Variants in TEAD1 observed in about 807,000 individuals in gnomAD.
TEAD1 encodes TEA domain transcription factor 1, also known as transcriptional enhancer factor TEF-1.
In TEAD1, 9 loss-of-function variants were observed where a neutral mutation model predicts 54.9. The ratio of observed to expected loss-of-function variants is 0.16; its 90% CI spans 0.10 to 0.29. TEAD1 has a LOEUF of 0.29. Ranked by LOEUF, TEAD1 falls within the 10% of genes least tolerant of loss-of-function variation. TEAD1 has a pLI of 1.00. For missense variants in TEAD1, 387 were observed against 535.9 expected, an observed-to-expected ratio of 0.72 and a Z score of 2.74; for synonymous variants, 200 against 187.8, an observed-to-expected ratio of 1.07 and a Z score of -0.53.
intron 3 of TEAD1, among the ~76,000 whole-genome samples, chr11:12,790,238 T>G (rs1466799492): frequency 6.6e-6 from 1 of 152,204 alleles, no homozygotes; most frequent in Non-Finnish European, 1.5e-5. Flanking sequence ...AGCCTAAGGT[T>G]TTGTTTTCTC....
intron 10 of TEAD1, among the ~76,000 whole-genome samples, chr11:12,906,322 A>G (rs1472762972): frequency 6.6e-6 from 1 of 152,108 alleles, no homozygotes; most frequent in Non-Finnish European, 1.5e-5. Flanking sequence ...TGGGCAGATC[A>G]TGAGGTCAGG....
At chr11:12,842,794 G>A (rs1037906967) in intron 3 of TEAD1, among the ~76,000 whole-genome samples, 2 of 152,118 alleles carry the variant, frequency 1.3e-5, no homozygotes, top group African/African-American at 4.8e-5. Flanking sequence ...ATACAAAAAT[G>A]AACTAAGTAA....
chr11:12,848,352 T>C (rs1410111499), intron 3 of TEAD1, among the ~76,000 whole-genome samples: 1 of 152,206 alleles, frequency 6.6e-6, no homozygotes, highest in Non-Finnish European at 1.5e-5. Flanking sequence ...TTTATTCTTC[T>C]GTATTGTGGA....
At chr11:12,910,931 G>C (rs1948606877) in intron 10 of TEAD1, among the ~76,000 whole-genome samples, 1 of 152,064 alleles carries the variant, frequency 6.6e-6, no homozygotes, top group Non-Finnish European at 1.5e-5. Flanking sequence ...ATTTTTGGTA[G>C]AGATGGGGTT....
rs146030360 is a variant in TEAD1, at chr11:12,872,679, T to C, written c.331-7029T>C. Among the ~76,000 whole-genome samples, 5 of 152,324 alleles carry C rather than the reference T, an allele frequency of 3.3e-5. No individual in the cohort carries two copies. The East Asian group carries it at 9.6e-4, about 29-fold the overall frequency. On this transcript the variant is annotated intron_variant, in intron 5 of 12. Transcript: ENST00000527636. ...CTTTATAAGGGCAACAGAAACAGTCTCATCATTCTACATTTTTATCTCTTC... is the reference window on the plus strand; with the variant it reads ...CTTTATAAGGGCAACAGAAACAGTCCCATCATTCTACATTTTTATCTCTTC...
In TEAD1 at chr11:12,937,310, CTG is replaced by C; in HGVS notation, c.*90_*91del. ...TCTCTCTCCATTATCGAACGACTGA[CTG>C]TAAACCTCACCACACAGGGTGGTGC... is the stretch of plus-strand genomic sequence containing the variant. On this transcript the variant is annotated 3_prime_UTR_variant, in exon 13 of 13. Coordinates refer to ENST00000527636, the MANE Select transcript of TEAD1 (RefSeq NM_021961.6). 6.1e-6 allele frequency: 7 copies of C among 1,141,580 alleles called. No individual in the cohort carries two copies. The highest frequency in any genetic ancestry group is 7.8e-6 in the Non-Finnish European group (6 of 772,782). The allele number at this position is 1,141,580 out of a possible 1,614,324, so 70.7% of individuals were successfully genotyped here.
intron 2 of TEAD1, among the ~76,000 whole-genome samples, chr11:12,751,647 C>T (rs1944872388): frequency 6.6e-6 from 1 of 152,168 alleles, no homozygotes; most frequent in Admixed American, 6.5e-5. Context: ...AATGCTTTTA[C>T]CACATTAAAT....
rs1480805873 is a variant in TEAD1 at position 12,837,769 on chromosome 11, C to CT, written c.203-24481_203-24480insT. Among the ~76,000 whole-genome samples, 15 of 73,850 alleles carry CT rather than the reference C, an allele frequency of 2.0e-4. No homozygotes were observed. The East Asian group carries it at 4.1e-3, about 20-fold the overall frequency. 48.4% of individuals were successfully genotyped at this position (73,850 alleles called of 152,430 possible). ...TCTTCCTCCTCTTCCTCTTCTTCTT[C>CT]CTTCTCTTCCTCTTCTTCCTTCTTT... is the stretch of plus-strand genomic sequence containing the variant. On this transcript the variant is annotated intron_variant, in intron 3 of 12. Coordinates refer to ENST00000527636, the MANE Select transcript of TEAD1 (RefSeq NM_021961.6).
At chr11:12,885,270 C>T (rs949502422) in intron 9 of TEAD1, among the ~76,000 whole-genome samples, 2 of 136,726 alleles carry the variant, frequency 1.5e-5, no homozygotes, top group African/African-American at 5.4e-5. Flanking sequence ...GCGTCTCGCT[C>T]TGTTGCCCAG....
intron 3 of TEAD1, among the ~76,000 whole-genome samples, chr11:12,817,647 C>T (rs1946443257): frequency 6.6e-6 from 1 of 152,184 alleles, no homozygotes; most frequent in African/African-American, 2.4e-5. Flanking sequence ...CACTGTTGGC[C>T]ACACTTATAA....
intron 2 of TEAD1, among the ~76,000 whole-genome samples, chr11:12,718,820 A>C: frequency 6.6e-6 from 1 of 151,968 alleles, no homozygotes; most frequent in East Asian, 1.9e-4. Flanking sequence ...TAAAAGGAAA[A>C]ATTTCATCAA....
At chr11:12,767,365 T>G (rs1945227790) in intron 3 of TEAD1, among the ~76,000 whole-genome samples, 1 of 152,232 alleles carries the variant, frequency 6.6e-6, no homozygotes. Flanking sequence ...AAAGCATTTT[T>G]GAATTCCATG....
intron 4 of TEAD1, among the ~76,000 whole-genome samples, chr11:12,863,660 G>A (rs149419290): frequency 3.6e-4 from 55 of 152,128 alleles, no homozygotes; most frequent in African/African-American, 1.2e-3. Flanking sequence ...TCTACATTTC[G>A]GAAACCAGTG....
At chr11:12,707,001 G>A (rs1943830335) in intron 2 of TEAD1, among the ~76,000 whole-genome samples, 1 of 151,930 alleles carries the variant, frequency 6.6e-6, no homozygotes, top group Non-Finnish European at 1.5e-5. Context: ...ACCCTCGTAT[G>A]TCTCAGTTGC....
chr11:12,909,182 A>G (rs17411485), intron 10 of TEAD1, among the ~76,000 whole-genome samples: 25,334 of 152,188 alleles, frequency 0.17, 2,450 homozygotes, highest in Non-Finnish European at 0.22. Flanking sequence ...TGTAGAAACA[A>G]TGATTACTAT....
intron 2 of TEAD1, among the ~76,000 whole-genome samples, chr11:12,725,574 C>T (rs1052428052): frequency 6.6e-6 from 1 of 151,808 alleles, no homozygotes; most frequent in African/African-American, 2.4e-5. Flanking sequence ...CAAAATATCA[C>T]ATGCACCTCA....
chr11:12,736,573 G>A (rs1163263222), intron 2 of TEAD1, among the ~76,000 whole-genome samples: 1 of 152,114 alleles, frequency 6.6e-6, no homozygotes, highest in East Asian at 1.9e-4. Flanking sequence ...AATATTTATT[G>A]TATTCTAAGT....
intron 9 of TEAD1, among the ~76,000 whole-genome samples, chr11:12,900,778 T>C (rs953973692): frequency 2.6e-5 from 4 of 152,114 alleles, no homozygotes; most frequent in Admixed American, 2.6e-4. Context: ...TCAGGGACAG[T>C]AGTTGGAGAA....
chr11:12,935,073 C>T (rs916230613), intron 12 of TEAD1, among the ~76,000 whole-genome samples: 5 of 152,020 alleles, frequency 3.3e-5, no homozygotes, highest in African/African-American at 7.2e-5. Flanking sequence ...GCAGGTGGGC[C>T]GCCATCCTGG....
Sources: allele counts gnomAD v4.1 joint callset (sites outside exome capture counted in the v4.1 genomes callset), GRCh38; gene constraint gnomAD v4.1.1; transcripts MANE v1.5; gene names NCBI Gene and HGNC (gene_info 2026-07-23, HGNC 2026-07-21).